Variants in TRAIP observed in about 807,000 individuals in gnomAD.
The protein encoded by TRAIP is TRAF interacting protein, also known as E3 ubiquitin-protein ligase TRAIP.
A neutral mutation model predicts 65.0 loss-of-function variants in TRAIP; 37 were observed. The observed-to-expected ratio is 0.57, with a 90% CI of 0.44 to 0.75. The LOEUF is 0.75. Among genes scored for constraint, TRAIP ranks in the 30% least tolerant of loss-of-function variants. The pLI, the probability that TRAIP is intolerant of heterozygous loss-of-function variation, is 0.00. For missense variants in TRAIP, 481 were observed against 579.4 expected, an observed-to-expected ratio of 0.83 and a Z score of 1.74; for synonymous variants, 187 against 219.1, an observed-to-expected ratio of 0.85 and a Z score of 1.29.
intron 10 of TRAIP, among the ~76,000 whole-genome samples, chr3:49,835,324 G>A (rs867429944): frequency 1.3e-5 from 2 of 152,304 alleles, no homozygotes; most frequent in African/African-American, 2.4e-5. Flanking sequence ...AGTAATAAAA[G>A]GACAAATATT....
At chr3:49,843,723 A>G in intron 5 of TRAIP, 78 bp downstream of exon 5, 1 of 1,561,720 alleles carries the variant, frequency 6.4e-7, no homozygotes, top group Non-Finnish European at 8.7e-7. Flanking sequence ...GAACCAGAAG[A>G]TAAGCCCAGA....
intron 1 of TRAIP, among the ~76,000 whole-genome samples, chr3:49,849,840 CTTT>C (rs1185587392): frequency 3.3e-5 from 3 of 89,852 alleles, no homozygotes; most frequent in African/African-American, 9.5e-5. Flanking sequence ...CTTTTCTTTT[CTTT>C]TTTTTTTTTT....
In TRAIP at chr3:49,828,809, CAGAA is replaced by C. The variant is rs2081705295; in HGVS notation, c.*290_*293del. On this transcript the variant is annotated 3_prime_UTR_variant, in exon 15 of 15. Transcript: ENST00000331456. ...AACAAGTGACCGTGGTCTCCAGGCC[CAGAA>C]AGAGTCTGACCACATCTGATCATGG... 1 of 356,050 alleles carries C rather than the reference CAGAA, an allele frequency of 2.8e-6. No homozygotes were observed. The highest frequency in any genetic ancestry group is 5.7e-5 in the East Asian group (1 of 17,624). 22.1% of individuals were successfully genotyped at this position (356,050 alleles called of 1,614,324 possible).
intron 10 of TRAIP, among the ~76,000 whole-genome samples, chr3:49,837,227 C>T (rs1291933739): frequency 1.3e-5 from 2 of 152,114 alleles, no homozygotes; most frequent in Non-Finnish European, 2.9e-5. Context: ...GAAGACAGGG[C>T]AATGCCGTTG....
chr3:49,838,008 C>T (rs1278200024), intron 10 of TRAIP, among the ~76,000 whole-genome samples: 1 of 151,974 alleles, frequency 6.6e-6, no homozygotes, highest in African/African-American at 2.4e-5. Context: ...GTAACTAGAA[C>T]TACAAGTGTG....
intron 1 of TRAIP, among the ~76,000 whole-genome samples, chr3:49,851,700 CT>C (rs35171858): frequency 0.47 from 67,623 of 142,722 alleles, 16,311 homozygotes; most frequent in African/African-American, 0.58. Context: ...CAAAAAAACA[CT>C]TTTTTTTTTT....
At chr3:49,845,318 T>C (rs1398153232) in intron 3 of TRAIP, among the ~76,000 whole-genome samples, 1 of 152,120 alleles carries the variant, frequency 6.6e-6, no homozygotes, top group Non-Finnish European at 1.5e-5. Context: ...GCAAGAGAGG[T>C]GCCTGCTCCA....
chr3:49,832,298 C>A (rs1267677625), intron 10 of TRAIP, among the ~76,000 whole-genome samples: 1 of 152,016 alleles, frequency 6.6e-6, no homozygotes, highest in African/African-American at 2.4e-5. Context: ...CAAGACCACC[C>A]GGGCTAACAT....
intron 10 of TRAIP, among the ~76,000 whole-genome samples, chr3:49,835,757 G>C (rs2081780333): frequency 6.6e-6 from 1 of 151,598 alleles, no homozygotes; most frequent in Non-Finnish European, 1.5e-5. Flanking sequence ...GGCTAACACG[G>C]TGAAACCCTG....
chr3:49,829,283 G>A, intron 14 of TRAIP, 58 bp from the exon 15 acceptor site: 1 of 1,613,908 alleles, frequency 6.2e-7, no homozygotes, highest in African/African-American at 1.3e-5. Context: ...GGGCGAGAAA[G>A]GACTGCAATG....
At chr3:49,836,571 C>T (rs1000689740) in intron 10 of TRAIP, among the ~76,000 whole-genome samples, 2 of 152,116 alleles carry the variant, frequency 1.3e-5, no homozygotes, top group African/African-American at 2.4e-5. Context: ...GTGGCTCACG[C>T]CTGTAACCCA....
At chr3:49,836,975 T>C (rs1176437556) in intron 10 of TRAIP, among the ~76,000 whole-genome samples, 1 of 148,700 alleles carries the variant, frequency 6.7e-6, no homozygotes, top group Admixed American at 6.7e-5. Context: ...TTTTTTTTTT[T>C]TGAGACAGGT....
At chr3:49,852,571 C>G (rs1480514519) in intron 1 of TRAIP, among the ~76,000 whole-genome samples, 2 of 151,342 alleles carry the variant, frequency 1.3e-5, no homozygotes, top group African/African-American at 4.9e-5. Flanking sequence ...CTGACTAACA[C>G]AGTGAAACCC....
intron 3 of TRAIP, 43 bp downstream of exon 3, chr3:49,847,482 C>T: frequency 1.6e-6 from 2 of 1,290,170 alleles, no homozygotes; most frequent in Non-Finnish European, 2.2e-6. Flanking sequence ...AGTGAACTCG[C>T]ACAAGGCTTG....
Position 49,850,970 on chromosome 3 carries a change from C to CT in TRAIP, c.99-2771dup, listed in dbSNP as rs1244136943. On this transcript the variant is annotated intron_variant, in intron 1 of 14. Transcript: ENST00000331456. ...CCAATAGCCTGCGTTTTCCTGTTTTCTTTTTTTTTTTTGGTGGGGGGACTT... is the reference window on the plus strand; with the variant it reads ...CCAATAGCCTGCGTTTTCCTGTTTTCTTTTTTTTTTTTTGGTGGGGGGACTT... Among the ~76,000 whole-genome samples the CT allele has an allele frequency of 4.9e-3, 690 of 141,970 alleles. 4 individuals carry two copies. Among genetic ancestry groups the CT allele is most frequent in the African/African-American group, 0.012 (454 of 38,812 alleles). 93.1% of individuals were successfully genotyped at this position (141,970 alleles called of 152,430 possible).
chr3:49,855,426 C>T (rs1018181924), intron 1 of TRAIP, among the ~76,000 whole-genome samples: 7 of 151,966 alleles, frequency 4.6e-5, no homozygotes, highest in Non-Finnish European at 8.8e-5. Flanking sequence ...CCAGCCTACA[C>T]GACAGGAGCG....
Position 49,841,027 on chromosome 3 carries a change from C to T in TRAIP, c.663G>A (p.Val221=), listed in dbSNP as rs756884235. 6.2e-7 allele frequency: 1 copy of T among 1,614,174 alleles called. No individual in the cohort carries two copies. The highest frequency in any genetic ancestry group is 2.2e-5 in the East Asian group (1 of 44,888). ...ACAAATCCTTCCTCAGCTTGTCAGC[C>T]ACCTCCCCTGAGGCCTTCCGTGCCT... ...LKEARKASGE[V]ADKLRKDLFS... is the part of the protein sequence containing the mutation. The change falls in exon 8 of 15, where the codon GTG becomes GTA. Residue 221 remains valine (V), a synonymous_variant. Coordinates refer to ENST00000331456, the MANE Select transcript of TRAIP (RefSeq NM_005879.3).
intron 12 of TRAIP, 74 bp from the exon 13 acceptor site, chr3:49,829,840 C>A (rs1575388156): frequency 6.2e-7 from 1 of 1,600,790 alleles, no homozygotes; most frequent in South Asian, 1.1e-5. Context: ...GGTGGTGGAA[C>A]AAGATCAGGA....
chr3:49,840,413 T>C (rs1452643453), intron 8 of TRAIP, 40 bp from the exon 9 acceptor site: 1 of 1,571,394 alleles, frequency 6.4e-7, no homozygotes, highest in South Asian at 1.1e-5. Context: ...AGCCAAGTGG[T>C]AGCCTTGTGC....
Sources: allele counts gnomAD v4.1 joint callset (sites outside exome capture counted in the v4.1 genomes callset), GRCh38; gene constraint gnomAD v4.1.1; transcripts MANE v1.5; gene names NCBI Gene and HGNC (gene_info 2026-07-23, HGNC 2026-07-21).